The following CENPK variants were observed in gnomAD, a reference collection of about 807,000 sequenced individuals.
The protein encoded by CENPK is SoxLZ/Sox6-binding protein Solt.
CENPK carries 46 observed loss-of-function variants against 40.9 expected under a neutral mutation model. That is an observed-to-expected ratio of 1.13 (90% CI 0.89 to 1.44). CENPK has a LOEUF of 1.44. Ranked by LOEUF, CENPK falls within the 40% of genes most tolerant of loss-of-function variation. The pLI is 0.00. For synonymous variants in CENPK, 107 were observed against 104.4 expected, an observed-to-expected ratio of 1.02 and a Z score of -0.15; for missense variants, 288 against 303.5, an observed-to-expected ratio of 0.95 and a Z score of 0.38.
rs1232103151 is a variant in CENPK at position 65,557,830 on chromosome 5, A to G, written c.-39-2884T>C. ...CATACAAAAATGAAGGCCACAGATAACCTTCATAGGAGTAGTTTTAGAAGA... is the reference window on the plus strand; with the variant it reads ...CATACAAAAATGAAGGCCACAGATAGCCTTCATAGGAGTAGTTTTAGAAGA... On this transcript the variant is annotated intron_variant, in intron 2 of 10. Coordinates refer to ENST00000396679, the MANE Select transcript of CENPK (RefSeq NM_022145.5). 2.0e-5 allele frequency among the ~76,000 whole-genome samples: 3 copies of G among 152,250 alleles called. No homozygotes were observed. In the East Asian group the frequency reaches 5.8e-4, roughly 29 times the overall value.
rs1195535816 is a variant in CENPK at position 65,520,507 on chromosome 5, TA to T, written c.651+967del. Among the ~76,000 whole-genome samples, 3 of 152,214 alleles carry T rather than the reference TA, an allele frequency of 2.0e-5. No homozygotes were observed. In the East Asian group the frequency reaches 5.8e-4, roughly 29 times the overall value. On this transcript the variant is annotated intron_variant, in intron 10 of 10. Coordinates refer to ENST00000396679, the MANE Select transcript of CENPK (RefSeq NM_022145.5). The stretch of plus-strand genomic sequence containing the variant: ...CAGTATTTCCATGACTGACAATTTT[TA>T]TTAAAAAAAAAGGTTAAGTCATCCA...
At chr5:65,530,351 G>T (rs1745561205) in intron 6 of CENPK, among the ~76,000 whole-genome samples, 2 of 152,154 alleles carry the variant, frequency 1.3e-5, no homozygotes, top group African/African-American at 4.8e-5. Context: ...GCAAGAAATA[G>T]ATGTTTTAGG....
chr5:65,541,543 T>C (rs1399268646), intron 6 of CENPK: 2 of 433,992 alleles, frequency 4.6e-6, no homozygotes, highest in Non-Finnish European at 9.4e-6. Context: ...CTTTGTTTTT[T>C]TCCTCTCTAT....
chr5:65,502,563 CA>C, the CENPK span, among the ~76,000 whole-genome samples: 2 of 152,038 alleles, frequency 1.3e-5, no homozygotes, highest in Non-Finnish European at 2.9e-5. Context: ...ATATTTAAAA[CA>C]TTTTCAGGAT....
the CENPK span, among the ~76,000 whole-genome samples, chr5:65,496,121 G>T: frequency 2.6e-5 from 4 of 152,184 alleles, no homozygotes; most frequent in African/African-American, 9.7e-5. Flanking sequence ...AACCAGGCAT[G>T]GTGGGGCACA....
chr5:65,525,017 C>T (rs1744431475), intron 9 of CENPK, among the ~76,000 whole-genome samples: 1 of 152,084 alleles, frequency 6.6e-6, no homozygotes, highest in Admixed American at 6.5e-5. Flanking sequence ...AAATATTTAT[C>T]CGAGTTCAAC....
chr5:65,522,188 T>C (rs1743889899), intron 9 of CENPK, among the ~76,000 whole-genome samples: 1 of 152,092 alleles, frequency 6.6e-6, no homozygotes, highest in African/African-American at 2.4e-5. Context: ...CATTCCAGAG[T>C]ACATTTATGC....
downstream of CENPK, among the ~76,000 whole-genome samples, chr5:65,513,377 T>G (rs1390953804): frequency 6.6e-6 from 1 of 152,208 alleles, no homozygotes; most frequent in African/African-American, 2.4e-5. Context: ...AATGAATCCG[T>G]AAAGTTAGGA....
At chr5:65,528,851 A>G (rs1480851983) in intron 8 of CENPK, 68 bp downstream of exon 8, 2 of 891,752 alleles carry the variant, frequency 2.2e-6, no homozygotes, top group Non-Finnish European at 3.3e-6. Flanking sequence ...AACTTCATCT[A>G]TGTTTCATGT....
chr5:65,507,175 C>T, the CENPK span, among the ~76,000 whole-genome samples: 18 of 152,270 alleles, frequency 1.2e-4, no homozygotes, highest in Middle Eastern at 3.4e-3. Flanking sequence ...CTAAGCAGTT[C>T]CAGATGTCCC....
chr5:65,501,027 G>C, the CENPK span, among the ~76,000 whole-genome samples: 73 of 151,924 alleles, frequency 4.8e-4, no homozygotes, highest in African/African-American at 1.7e-3. Flanking sequence ...TCTTCATGTT[G>C]CTATTGAGCC....
At chr5:65,542,684 C>A in intron 6 of CENPK, 118 bp downstream of exon 6, 3 of 688,340 alleles carry the variant, frequency 4.4e-6, no homozygotes, top group Non-Finnish European at 4.6e-6. Flanking sequence ...TAAATAAAAG[C>A]AGAAAATTTA....
chr5:65,513,335 A>T (rs1206592958), downstream of CENPK, among the ~76,000 whole-genome samples: 1 of 152,190 alleles, frequency 6.6e-6, no homozygotes, highest in Non-Finnish European at 1.5e-5. Flanking sequence ...CAATATCCAC[A>T]AGTACCTTGC....
chr5:65,548,651 A>G (rs557458670), intron 5 of CENPK, among the ~76,000 whole-genome samples: 2 of 152,098 alleles, frequency 1.3e-5, no homozygotes, highest in Non-Finnish European at 2.9e-5. Context: ...TAATATTCTA[A>G]ATCTTTTGTT....
chr5:65,537,356 G>C (rs1747106410), intron 6 of CENPK, among the ~76,000 whole-genome samples: 1 of 152,188 alleles, frequency 6.6e-6, no homozygotes, highest in Non-Finnish European at 1.5e-5. Flanking sequence ...CCAGGCTGGA[G>C]TCCAGTAGGG....
downstream of CENPK, among the ~76,000 whole-genome samples, chr5:65,515,204 A>ATTTTTTTT (rs1554102335): frequency 4.0e-5 from 5 of 124,064 alleles, no homozygotes; most frequent in East Asian, 2.8e-4. Context: ...TCTCAAAAAA[A>ATTTTTTTT]TTTTTTTTTT....
chr5:65,544,084 C>T (rs1175657820), intron 5 of CENPK, among the ~76,000 whole-genome samples: 1 of 152,174 alleles, frequency 6.6e-6, no homozygotes, highest in Non-Finnish European at 1.5e-5. Context: ...AGAAAGCCTT[C>T]TAACAGGGAA....
Position 65,562,446 on chromosome 5 carries a change from G to A in CENPK, c.-142+652C>T, listed in dbSNP as rs566989352. On this transcript the variant is annotated intron_variant, in intron 1 of 10. Transcript: ENST00000396679. ...GGGGGCAGTTCCTTCCCTGTACGTG[G>A]TGCCTATCTCAAGGCAAAAGTAGAG... Among the ~76,000 whole-genome samples, 290 of 152,256 alleles carry A rather than the reference G, an allele frequency of 1.9e-3. 3 individuals are homozygous for A. The highest frequency in any genetic ancestry group is 6.4e-3 in the South Asian group (31 of 4,828).
At chr5:65,516,700 T>TAA (rs149172436), downstream of CENPK, among the ~76,000 whole-genome samples, 29 of 150,212 alleles carry the variant, frequency 1.9e-4, no homozygotes, top group East Asian at 5.8e-4. Context: ...CTCTACATGC[T>TAA]AAAAAAAAAG....
Sources: gnomAD v4.1 joint callset for allele counts (sites outside exome capture counted in the v4.1 genomes callset) on GRCh38, gnomAD v4.1.1 for gene constraint, MANE v1.5 for transcripts, NCBI Gene and HGNC (gene_info 2026-07-23, HGNC 2026-07-21) for gene names.